The following CMTR2 variants were observed in gnomAD, a reference collection of about 807,000 sequenced individuals.
CMTR2 encodes the protein cap methyltransferase 2.
CMTR2 carries 40 observed loss-of-function variants against 49.8 expected under a neutral mutation model. The ratio of observed to expected loss-of-function variants is 0.80; its 90% CI spans 0.62 to 1.04. The LOEUF is 1.04. Ranked by LOEUF, CMTR2 falls within the 50% of genes least tolerant of loss-of-function variation. The pLI, the probability that CMTR2 is intolerant of heterozygous loss-of-function variation, is 0.00. For synonymous variants in CMTR2, 326 were observed against 315.8 expected, an observed-to-expected ratio of 1.03 and a Z score of -0.34; for missense variants, 907 against 897.2, an observed-to-expected ratio of 1.01 and a Z score of -0.14.
At chr16:71,286,181 T>C (rs1340682126) in intron 2 of CMTR2, among the ~76,000 whole-genome samples, 3 of 143,746 alleles carry the variant, frequency 2.1e-5, no homozygotes, top group Admixed American at 7.3e-5. Context: ...ATTCCATCTC[T>C]TGGATTTGGT....
intron 2 of CMTR2, 51 bp from the exon 3 acceptor site, chr16:71,285,990 A>T (rs2144851515): frequency 7.3e-7 from 1 of 1,376,384 alleles, no homozygotes; most frequent in African/African-American, 1.5e-5. Context: ...TAGTGAGCGA[A>T]ATCTCATGAG....
At position 71,283,515 on chromosome 16, in the gene CMTR2, A is replaced by C. The variant is rs2041647074; in HGVS notation, c.*93T>G. On this transcript the variant is annotated 3_prime_UTR_variant, in exon 3 of 3. Transcript: ENST00000434935. ...ATGATGCAAATGTTGGCCTTTCCCC[A>C]AAATAAAAGGTTTTTAAATTAATAG... 9 of 1,428,412 alleles carry C rather than the reference A, an allele frequency of 6.3e-6. No individual in the cohort carries two copies. Among genetic ancestry groups the C allele is most frequent in the Admixed American group, 5.3e-5 (2 of 37,928 alleles). The allele number at this position is 1,428,412 out of a possible 1,614,324, so 88.5% of individuals were successfully genotyped here. A position where few individuals can be genotyped will look rare whatever the true frequency, so the allele number is the denominator to read the frequency against.
Position 71,285,964 on chromosome 16 carries a change from A to C in CMTR2, c.-19-25T>G, listed in dbSNP as rs757241661. The C allele has an allele frequency of 9.3e-6, 14 of 1,499,544 alleles. No individual in the cohort carries two copies. The South Asian group carries it at 1.8e-4, about 19-fold the overall frequency. 92.9% of individuals were successfully genotyped at this position (1,499,544 alleles called of 1,614,324 possible). On this transcript the variant is annotated intron_variant, in intron 2 of 2. Transcript: ENST00000434935. Reference sequence around the variant, plus strand: ...TCTAGGAAGAGAAAACACATAATTAAATGAATCAAATTTATTAGTGAGCGA... The same window carrying C: ...TCTAGGAAGAGAAAACACATAATTACATGAATCAAATTTATTAGTGAGCGA...
At chr16:71,289,663 A>AGGGGGAGGGGGG (rs1259857977), upstream of CMTR2, 20 of 11,764 alleles carry the variant, frequency 1.7e-3, no homozygotes, top group African/African-American at 6.1e-3. Context: ...GGGGAGGGGG[A>AGGGGGAGGGGGG]GGGAGGGAAG....
rs1178397201 is a variant in CMTR2, at chr16:71,283,649, C to G, written c.2272G>C (p.Glu758Gln). ...KRHLHFIIQREREEIINSLQL... is the reference protein window; with the variant it reads ...KRHLHFIIQRQREEIINSLQL... ...AGGCTGTTGATAATTTCTTCTCTCT[C>G]TCTTTGAATAATGAAATGCAAATGC... The change falls in exon 3 of 3, where the codon GAG (glutamate) becomes CAG (glutamine). Residue 758 changes from glutamate (E) to glutamine (Q), a missense_variant. By Grantham distance (29) the Glu-to-Gln change is conservative. Coordinates refer to ENST00000434935, the MANE Select transcript of CMTR2 (RefSeq NM_018348.6). 1 of 1,613,288 alleles carries G rather than the reference C, an allele frequency of 6.2e-7. No individual in the cohort carries two copies. The highest frequency in any genetic ancestry group is 1.1e-5 in the South Asian group (1 of 90,984).
rs1385263878 is a variant in CMTR2 at position 71,281,540 on chromosome 16, A to G, written c.*2068T>C. 1.3e-5 allele frequency: 2 copies of G among 151,864 alleles called. No homozygotes were observed. Among genetic ancestry groups the G allele is most frequent in the Non-Finnish European group, 2.9e-5 (2 of 67,842 alleles). The allele number at this position is 151,864 out of a possible 1,614,324, so 9.4% of individuals were successfully genotyped here. A position where few individuals can be genotyped will look rare whatever the true frequency, so the allele number is the denominator to read the frequency against. Reference sequence around the variant, plus strand: ...CTTTTCCATTCATCTTTTGAATAGCATTTTTCCTCTCCTTTCTCTTAAAGA... The same window carrying G: ...CTTTTCCATTCATCTTTTGAATAGCGTTTTTCCTCTCCTTTCTCTTAAAGA... On this transcript the variant is annotated 3_prime_UTR_variant, in exon 3 of 3. Transcript: ENST00000434935.
intron 2 of CMTR2, chr16:71,288,496 G>C (rs1218203288): frequency 6.6e-6 from 1 of 152,144 alleles, no homozygotes; most frequent in South Asian, 2.1e-4. Flanking sequence ...CAAGAAGTTG[G>C]ACATTGCCTG....
rs1005500886 is a variant in CMTR2 at position 71,282,537 on chromosome 16, C to T, written c.*1071G>A. 6.6e-6 allele frequency: 1 copy of T among 151,838 alleles called. No individual in the cohort carries two copies. The highest frequency in any genetic ancestry group is 1.5e-5 in the Non-Finnish European group (1 of 67,910). 9.4% of individuals were successfully genotyped at this position (151,838 alleles called of 1,614,324 possible). A position where few individuals can be genotyped will look rare whatever the true frequency, so the allele number is the denominator to read the frequency against. On this transcript the variant is annotated 3_prime_UTR_variant, in exon 3 of 3. Transcript: ENST00000434935. Reference sequence around the variant, plus strand: ...ACAAAAACTCATTACACTGCAAATACAGAAGAAATAAAATAACTCATTACA... The same window carrying T: ...ACAAAAACTCATTACACTGCAAATATAGAAGAAATAAAATAACTCATTACA...
Position 71,283,860 on chromosome 16 carries a change from T to C in CMTR2, c.2061A>G (p.Leu687=), listed in dbSNP as rs143985943. Residue 687 remains leucine, a synonymous_variant, in exon 3 of 3, where the codon CTA becomes CTG. Transcript: ENST00000434935. ...SDPLRTCAVL[L]CVGYQDLPNP... ...TTGGAAGGTCCTGATAACCAACACA[T>C]AGCAGGACTGCGCAGGTCCTCAGGG... 8.7e-6 allele frequency: 14 copies of C among 1,613,810 alleles called. No homozygotes were observed. The highest frequency in any genetic ancestry group is 5.3e-5 in the African/African-American group (4 of 74,982).
In CMTR2 at chr16:71,284,315, T is replaced by G; in HGVS notation, c.1606A>C (p.Lys536Gln). The change falls in exon 3 of 3, where the codon AAG becomes CAG. Residue 536 changes from lysine (K) to glutamine (Q), a missense_variant. Transcript: ENST00000434935. ...SLGGAFNLDSKFRPKQQYSCS... is the reference protein window; with the variant it reads ...SLGGAFNLDSQFRPKQQYSCS... ...GAATACTGCTGTTTTGGCCTAAACT[T>G]GGAATCCAAATTAAAAGCTCCTCCT... 1 of 1,613,818 alleles carries G rather than the reference T, an allele frequency of 6.2e-7. No individual in the cohort carries two copies.
chr16:71,289,656 G>GAGGGGGAGGGGGAGGGGA, upstream of CMTR2: 1 of 149,770 alleles, frequency 6.7e-6, no homozygotes, highest in Admixed American at 6.6e-5. Context: ...AGGGGAGGGG[G>GAGGGGGAGGGGGAGGGGA]AGGGGGAGGG....
Position 71,284,504 on chromosome 16 carries a change from C to T in CMTR2, c.1417G>A (p.Val473Ile), listed in dbSNP as rs201117712. 6 of 1,613,864 alleles carry T rather than the reference C, an allele frequency of 3.7e-6. No homozygotes were observed. Among genetic ancestry groups the T allele is most frequent in the Admixed American group, 1.7e-5 (1 of 59,980 alleles). Residue 473 changes from valine (V) to isoleucine (I), a missense_variant, in exon 3 of 3, where the codon GTA (valine) becomes ATA (isoleucine). Transcript: ENST00000434935. The stretch of plus-strand genomic sequence containing the variant: ...ATAGAACTCTGCCCAGGATGATATA[C>T]ACCATGTTCTTCAGCCCAACTATTA... ...YFNSWAEEHG[V>I]YHPGQSSILE...
rs1232623621 is a variant in CMTR2 at position 71,284,059 on chromosome 16, G to A, written c.1862C>T (p.Thr621Ile). Reference protein sequence around the residue: ...SCSLLHDGDPTYQRLFLDCLL... With the variant: ...SCSLLHDGDPIYQRLFLDCLL... ...GCAGTCCAAAAATAAACGCTGGTAA[G>A]TTGGATCTCCATCATGAAGCAATGA... Residue 621 changes from threonine (T) to isoleucine (I), a missense_variant, in exon 3 of 3, where the codon ACT becomes ATT. Physicochemically the swap from Thr to Ile is moderately conservative, Grantham distance 89. Transcript: ENST00000434935. The A allele has an allele frequency of 1.9e-6, 3 of 1,614,048 alleles. No homozygotes were observed. The highest frequency in any genetic ancestry group is 1.3e-5 in the African/African-American group (1 of 75,034).
Position 71,284,197 on chromosome 16 carries a change from C to T in CMTR2, c.1724G>A (p.Ser575Asn), listed in dbSNP as rs1286734050. 6.2e-7 allele frequency: 1 copy of T among 1,613,880 alleles called. No homozygotes were observed. Among genetic ancestry groups the T allele is most frequent in the African/African-American group, 1.3e-5 (1 of 74,882 alleles). The change falls in exon 3 of 3, where the codon AGC becomes AAC. Residue 575 changes from serine (S) to asparagine (N), a missense_variant. Coordinates refer to ENST00000434935, the MANE Select transcript of CMTR2 (RefSeq NM_018348.6). ...CACCAGCAGGCACTTTATTTGATTG[C>T]TGGGTACTACAACCTGCTCATCCTG... is the stretch of plus-strand genomic sequence containing the variant. ...CLQDEQVVVP[S>N]NQIKCLLVGF...
Position 71,285,442 on chromosome 16 carries a change from G to C in CMTR2, c.479C>G (p.Ser160Cys), listed in dbSNP as rs2041705979. 8.7e-6 allele frequency: 14 copies of C among 1,614,152 alleles called. No individual in the cohort carries two copies. The highest frequency in any genetic ancestry group is 1.2e-5 in the Non-Finnish European group (14 of 1,179,990). ...ACTCCAATGACAAGGAAACCGATGG[G>C]ATTTTAAGTAGTGGTTGAGACTAGC... is the stretch of plus-strand genomic sequence containing the variant. ...FIASLNHYLK[S>C]HRFPCHWSWV... The change falls in exon 3 of 3, where the codon TCC becomes TGC. Residue 160 changes from serine to cysteine, a missense_variant. By Grantham distance (112) the Ser-to-Cys change is moderately radical (BLOSUM62 -1). Transcript: ENST00000434935.
upstream of CMTR2, chr16:71,289,568 C>T (rs527679755): frequency 3.3e-5 from 5 of 150,600 alleles, no homozygotes; most frequent in East Asian, 1.0e-3. Flanking sequence ...ACTATGGCAA[C>T]GGAAGCGGCG....
chr16:71,288,001 T>A (rs2041759264), intron 2 of CMTR2: 1 of 152,220 alleles, frequency 6.6e-6, no homozygotes, highest in African/African-American at 2.4e-5. Context: ...TGTGAAACCT[T>A]ACCTAAGCTA....
chr16:71,285,621 A>C lies in CMTR2; in HGVS notation c.300T>G (p.Ser100=), dbSNP rs1370410816. The part of the protein sequence containing the change: ...AFTNKAGKII[S]HVRKSVNAEL... ...CAGCATTCACAGATTTTCTAACATG[A>C]GAAATGATTTTCCCCGCTTTATTAG... is the stretch of plus-strand genomic sequence containing the variant. Residue 100 remains serine (S), a synonymous_variant, in exon 3 of 3, where the codon TCT becomes TCG. Transcript: ENST00000434935. 6.2e-7 allele frequency: 1 copy of C among 1,614,136 alleles called. No homozygotes were observed. The highest frequency in any genetic ancestry group is 8.5e-7 in the Non-Finnish European group (1 of 1,179,988).
In CMTR2 at chr16:71,284,703, T is replaced by C. The variant is rs762137528; in HGVS notation, c.1218A>G (p.Gln406=). The C allele has an allele frequency of 1.9e-6, 3 of 1,613,022 alleles. No homozygotes were observed. Among genetic ancestry groups the C allele is most frequent in the Non-Finnish European group, 2.5e-6 (3 of 1,179,574 alleles). ...TGGAAAGATGTTTCAGTTGAAATTTTTGCATAAAATATTGTATAGCACAAT... is the reference window on the plus strand; with the variant it reads ...TGGAAAGATGTTTCAGTTGAAATTTCTGCATAAAATATTGTATAGCACAAT... The part of the protein sequence containing the change: ...LRDCAIQYFM[Q]KFQLKHLSRN... The change falls in exon 3 of 3, where the codon CAA becomes CAG. Residue 406 remains glutamine, a synonymous_variant. Transcript: ENST00000434935.
Sources: gnomAD v4.1 joint callset for allele counts (sites outside exome capture counted in the v4.1 genomes callset) on GRCh38, gnomAD v4.1.1 for gene constraint, MANE v1.5 for transcripts, NCBI Gene and HGNC (gene_info 2026-07-23, HGNC 2026-07-21) for gene names.